SERPINA4: variants seen among roughly 807,000 people sequenced by gnomAD.
SERPINA4 encodes serpin family A member 4.
A neutral mutation model predicts 25.4 loss-of-function variants in SERPINA4; 24 were observed. The ratio of observed to expected loss-of-function variants is 0.95; its 90% confidence interval spans 0.69 to 1.33. SERPINA4 has a LOEUF of 1.33. SERPINA4 is among the 40% of genes most tolerant of loss of function. The probability of loss-of-function intolerance (pLI) is 0.00; values close to 1 mark genes in which losing one functional copy is unlikely to be tolerated. For synonymous variants in SERPINA4, 242 were observed against 223.6 expected, an observed-to-expected ratio of 1.08 and a Z score of -0.73; for missense variants, 553 against 535.8, an observed-to-expected ratio of 1.03 and a Z score of -0.32.
At chr14:94,565,056 G>A (rs1193565097) in intron 2 of SERPINA4, among the ~76,000 whole-genome samples, 1 of 152,202 alleles carries the variant, frequency 6.6e-6, no homozygotes, top group Non-Finnish European at 1.5e-5. Context: ...TCAATGGTAA[G>A]GAGATCATTA....
intron 2 of SERPINA4, among the ~76,000 whole-genome samples, chr14:94,564,823 T>C (rs1173463791): frequency 6.6e-6 from 1 of 152,254 alleles, no homozygotes; most frequent in Non-Finnish European, 1.5e-5. Context: ...ATGATAACAA[T>C]GCTCATTTTG....
rs746738510 is a variant in SERPINA4, at chr14:94,563,919, G to A, written c.437G>A (p.Ser146Asn). 3.1e-6 allele frequency: 5 copies of A among 1,614,178 alleles called. No homozygotes were observed. The highest frequency in any genetic ancestry group is 1.7e-5 in the Admixed American group (1 of 60,030). The change falls in exon 2 of 5, where the codon AGC becomes AAC. Residue 146 changes from serine to asparagine, a missense_variant. Coordinates refer to ENST00000557004, the MANE Select transcript of SERPINA4 (RefSeq NM_006215.4). ...CGCGTGGGCAGTGCTCTGTTCCTGAGCCACAACCTGAAGTTCCTTGCAAAA... is the reference window on the plus strand; with the variant it reads ...CGCGTGGGCAGTGCTCTGTTCCTGAACCACAACCTGAAGTTCCTTGCAAAA... ...ETRVGSALFL[S>N]HNLKFLAKFL...
At chr14:94,566,296 T>A (rs1363527708) in intron 2 of SERPINA4, among the ~76,000 whole-genome samples, 2 of 152,240 alleles carry the variant, frequency 1.3e-5, no homozygotes, top group African/African-American at 4.8e-5. Context: ...ACTTGATATT[T>A]GTGAATGCAA....
Position 94,563,472 on chromosome 14 carries a change from G to T in SERPINA4, c.-11G>T, listed in dbSNP as rs752312500. Reference sequence around the variant, plus strand: ...ATTCTCTTCCCTCCCATAGGCCTGAGAGTGCAGAGGATGCATCTTATCGAC... The same window carrying T: ...ATTCTCTTCCCTCCCATAGGCCTGATAGTGCAGAGGATGCATCTTATCGAC... On this transcript the variant is annotated 5_prime_UTR_variant, in exon 2 of 5. Transcript: ENST00000557004. The T allele has an allele frequency of 2.5e-6, 4 of 1,603,772 alleles. No individual in the cohort carries two copies. Among genetic ancestry groups the T allele is most frequent in the South Asian group, 1.1e-5 (1 of 90,386 alleles).
chr14:94,563,389 G>A, intron 1 of SERPINA4, 77 bp from the exon 2 acceptor site: 1 of 1,464,360 alleles, frequency 6.8e-7, no homozygotes, highest in African/African-American at 1.4e-5. Flanking sequence ...TCCGGGTGCT[G>A]GCCCACTGCC....
At chr14:94,569,357 T>C (rs1902319600) in intron 4 of SERPINA4, 38 bp from the exon 5 acceptor site, 2 of 1,599,792 alleles carry the variant, frequency 1.3e-6, no homozygotes, top group Non-Finnish European at 1.7e-6. Context: ...CCCCCTCTCT[T>C]GCTGGCTTGG....
Position 94,566,959 on chromosome 14 carries a change from C to G in SERPINA4, c.650-11C>G, listed in dbSNP as rs750349292. ...CAGATGTCCTGTACCTTCTTTTCAT[C>G]TTCCCTTCAGCCCTGTGGGAGAAAC... On this transcript the variant is annotated splice_polypyrimidine_tract_variant and intron_variant, in intron 2 of 4. Coordinates refer to ENST00000557004, the MANE Select transcript of SERPINA4 (RefSeq NM_006215.4). 1.9e-6 allele frequency: 3 copies of G among 1,606,700 alleles called. No individual in the cohort carries two copies. In the African/African-American group the frequency reaches 4.0e-5, roughly 22 times the overall value.
At chr14:94,562,521 T>C (rs959087778) in intron 1 of SERPINA4, among the ~76,000 whole-genome samples, 1 of 151,948 alleles carries the variant, frequency 6.6e-6, no homozygotes, top group African/African-American at 2.4e-5. Context: ...GAGGATCACC[T>C]GAGCTCAGGA....
Position 94,569,379 on chromosome 14 carries a change from G to T in SERPINA4, c.1084-16G>T, listed in dbSNP as rs1240783059. The T allele has an allele frequency of 6.2e-7, 1 of 1,611,814 alleles. No individual in the cohort carries two copies. Among genetic ancestry groups the T allele is most frequent in the Non-Finnish European group, 8.5e-7 (1 of 1,179,700 alleles). ...TCTTGCTGGCTTGGAGATAATGCTT[G>T]TGATTTTCCTCCCAGAGTTTCCACA... On this transcript the variant is annotated splice_polypyrimidine_tract_variant and intron_variant, in intron 4 of 4. Coordinates refer to ENST00000557004, the MANE Select transcript of SERPINA4 (RefSeq NM_006215.4).
chr14:94,561,995 G>A (rs917711330), intron 1 of SERPINA4, among the ~76,000 whole-genome samples: 1 of 152,124 alleles, frequency 6.6e-6, no homozygotes, highest in African/African-American at 2.4e-5. Flanking sequence ...CCGGCCCACC[G>A]CCCATGAGCT....
At chr14:94,569,325 G>A in intron 4 of SERPINA4, 70 bp from the exon 5 acceptor site, 1 of 1,408,870 alleles carries the variant, frequency 7.1e-7, no homozygotes, top group Non-Finnish European at 9.9e-7. Flanking sequence ...AGCAATTTCT[G>A]GCTCTCGCAG....
chr14:94,566,617 C>T (rs1379322867), intron 2 of SERPINA4, among the ~76,000 whole-genome samples: 1 of 152,176 alleles, frequency 6.6e-6, no homozygotes, highest in African/African-American at 2.4e-5. Context: ...TTATGGAAGG[C>T]TGACCCCTCT....
chr14:94,568,398 T>G, intron 4 of SERPINA4, 110 bp downstream of exon 4: 1 of 1,164,892 alleles, frequency 8.6e-7, no homozygotes, highest in Non-Finnish European at 1.2e-6. Context: ...AGAGCCTGAG[T>G]GTGTTCAGTC....
At chr14:94,561,868 G>A (rs1450290752) in intron 1 of SERPINA4, 1 of 1,289,546 alleles carries the variant, frequency 7.8e-7, no homozygotes, top group East Asian at 5.6e-5. Context: ...GCGGTCCTAT[G>A]TATGTTTCTA....
In SERPINA4 at chr14:94,563,860, C is replaced by T. The variant is rs750402462; in HGVS notation, c.378C>T (p.His126=). The T allele has an allele frequency of 1.1e-5, 17 of 1,614,084 alleles. No individual in the cohort carries two copies. Among genetic ancestry groups the T allele is most frequent in the Middle Eastern group, 1.6e-4 (1 of 6,084 alleles). Residue 126 remains histidine, a synonymous_variant, in exon 2 of 5, where the codon CAC becomes CAT. Coordinates refer to ENST00000557004, the MANE Select transcript of SERPINA4 (RefSeq NM_006215.4). ...DVHRGFQHLL[H]TLNLPGHGLE... is the part of the protein sequence containing the mutation. Reference sequence around the variant, plus strand: ...ATAGGGGCTTCCAGCACCTCCTGCACACTCTCAACCTCCCCGGCCATGGGC... The same window carrying T: ...ATAGGGGCTTCCAGCACCTCCTGCATACTCTCAACCTCCCCGGCCATGGGC...
At chr14:94,568,381 G>A (rs1033564573) in intron 4 of SERPINA4, 93 bp downstream of exon 4, 44 of 1,340,246 alleles carry the variant, frequency 3.3e-5, no homozygotes, top group African/African-American at 2.8e-4. Context: ...CTGCCACATG[G>A]AGTCTCAGAG....
Position 94,569,689 on chromosome 14 carries a change from T to C in SERPINA4, c.*94T>C, listed in dbSNP as rs538577397. 83 of 1,397,016 alleles carry C rather than the reference T, an allele frequency of 5.9e-5. 1 individual carries two copies. The African/African-American group carries it at 1.1e-3, about 19-fold the overall frequency. 86.5% of individuals were successfully genotyped at this position (1,397,016 alleles called of 1,614,324 possible). A position where few individuals can be genotyped will look rare whatever the true frequency, so the allele number is the denominator to read the frequency against. ...CTGTGTTTAGAGTTGGGGACAAGGA[T>C]GACACCGAAGGTCCAGGAGTCCAGG... On this transcript the variant is annotated 3_prime_UTR_variant, in exon 5 of 5. Transcript: ENST00000557004.
intron 2 of SERPINA4, among the ~76,000 whole-genome samples, chr14:94,565,254 G>A (rs1316398179): frequency 2.0e-5 from 3 of 152,172 alleles, no homozygotes; most frequent in African/African-American, 7.2e-5. Context: ...TAGTTTCTGT[G>A]GTAGCCTGGG....
chr14:94,563,189 G>T (rs556833513), intron 1 of SERPINA4, among the ~76,000 whole-genome samples: 44 of 152,306 alleles, frequency 2.9e-4, no homozygotes, highest in African/African-American at 1.0e-3. Flanking sequence ...GGGTGAGAAT[G>T]GAGTCTAGTG....
Sources: allele counts gnomAD v4.1 joint callset (sites outside exome capture counted in the v4.1 genomes callset), GRCh38; gene constraint gnomAD v4.1.1; transcripts MANE v1.5; gene names NCBI Gene and HGNC (gene_info 2026-07-23, HGNC 2026-07-21).